Variants in SLC35F1 observed in about 807,000 individuals in gnomAD.
SLC35F1 encodes solute carrier family 35 member F1.
A neutral mutation model predicts 48.7 loss-of-function variants in SLC35F1; 14 were observed. The observed-to-expected ratio is 0.29, with a 90% CI of 0.19 to 0.45. SLC35F1 has a LOEUF of 0.45. Among genes scored for constraint, SLC35F1 ranks in the 20% least tolerant of loss-of-function variants. SLC35F1 has a pLI of 1.00. For synonymous variants in SLC35F1, 190 were observed against 202.2 expected, an observed-to-expected ratio of 0.94 and a Z score of 0.51; for missense variants, 404 against 500.0, an observed-to-expected ratio of 0.81 and a Z score of 1.83.
intron 1 of SLC35F1, among the ~76,000 whole-genome samples, chr6:118,092,076 C>A (rs59022430): frequency 6.6e-6 from 1 of 152,118 alleles, no homozygotes; most frequent in Non-Finnish European, 1.5e-5. Context: ...AAGAAAAAAC[C>A]GTTTTCTGAG....
intron 1 of SLC35F1, among the ~76,000 whole-genome samples, chr6:117,964,289 T>C (rs528362862): frequency 6.6e-6 from 1 of 152,360 alleles, no homozygotes; most frequent in South Asian, 2.1e-4. Context: ...TCACAACATA[T>C]TGGGAATATC....
At chr6:118,115,659 C>T (rs909516811) in intron 1 of SLC35F1, among the ~76,000 whole-genome samples, 2 of 152,126 alleles carry the variant, frequency 1.3e-5, no homozygotes, top group Non-Finnish European at 2.9e-5. Flanking sequence ...AGTTCTTAAT[C>T]TGACCTCTTA....
chr6:117,991,691 G>C (rs963408242), intron 1 of SLC35F1, among the ~76,000 whole-genome samples: 1 of 152,102 alleles, frequency 6.6e-6, no homozygotes, highest in Non-Finnish European at 1.5e-5. Context: ...ACTTGGATCT[G>C]TTTTGTATGC....
Position 118,101,811 on chromosome 6 carries a change from A to T in SLC35F1, c.174-52634A>T, listed in dbSNP as rs527748069. ...GACTTGCTGTTATTAAAATATGTGC[A>T]TTACATACTGTGTTTATAATTTACT... On this transcript the variant is annotated intron_variant, in intron 1 of 7. Coordinates refer to ENST00000360388, the MANE Select transcript of SLC35F1 (RefSeq NM_001029858.4). Among the ~76,000 whole-genome samples, 20 of 152,364 alleles carry T rather than the reference A, an allele frequency of 1.3e-4. No homozygotes were observed. In the South Asian group the frequency reaches 4.1e-3, roughly 32 times the overall value.
At chr6:118,000,143 C>T (rs1210363591) in intron 1 of SLC35F1, among the ~76,000 whole-genome samples, 1 of 152,100 alleles carries the variant, frequency 6.6e-6, no homozygotes, top group Non-Finnish European at 1.5e-5. Flanking sequence ...AGAGATACAA[C>T]CAAAAAAGAG....
At chr6:117,911,181 C>A (rs961204094) in intron 1 of SLC35F1, among the ~76,000 whole-genome samples, 1 of 151,972 alleles carries the variant, frequency 6.6e-6, no homozygotes, top group African/African-American at 2.4e-5. Flanking sequence ...AGAGGAGGCA[C>A]TAGATAATTT....
intron 7 of SLC35F1, among the ~76,000 whole-genome samples, chr6:118,306,919 C>T (rs1251676745): frequency 6.6e-6 from 1 of 152,204 alleles, no homozygotes; most frequent in East Asian, 1.9e-4. Flanking sequence ...TAAAAGAGCT[C>T]TTATTGGCCT....
intron 1 of SLC35F1, among the ~76,000 whole-genome samples, chr6:117,939,538 A>C (rs990607794): frequency 6.6e-6 from 1 of 152,172 alleles, no homozygotes; most frequent in Non-Finnish European, 1.5e-5. Flanking sequence ...ACATCTTTGA[A>C]ATTTTCTGAC....
intron 5 of SLC35F1, among the ~76,000 whole-genome samples, chr6:118,276,022 C>T (rs1249682659): frequency 6.6e-6 from 1 of 152,096 alleles, no homozygotes; most frequent in Non-Finnish European, 1.5e-5. Context: ...TATAAAATTA[C>T]CCTTTTATAA....
intron 1 of SLC35F1, among the ~76,000 whole-genome samples, chr6:118,141,057 T>C (rs774770506): frequency 1.3e-5 from 2 of 152,210 alleles, no homozygotes; most frequent in African/African-American, 4.8e-5. Flanking sequence ...CTAAATTTAG[T>C]ACAGCCTAAG....
chr6:118,275,399 A>G, intron 4 of SLC35F1, 60 bp from the exon 5 acceptor site: 1 of 1,542,414 alleles, frequency 6.5e-7, no homozygotes, highest in Admixed American at 2.0e-5. Flanking sequence ...CCGATGCCAG[A>G]TTCTTGTTAA....
At chr6:118,283,144 T>C (rs2114639257) in intron 6 of SLC35F1, among the ~76,000 whole-genome samples, 1 of 152,328 alleles carries the variant, frequency 6.6e-6, no homozygotes, top group East Asian at 1.9e-4. Context: ...TGCTCAGCCA[T>C]TGTGGCCTTG....
intron 2 of SLC35F1, among the ~76,000 whole-genome samples, chr6:118,204,940 T>A (rs1294468752): frequency 1.3e-5 from 2 of 152,162 alleles, no homozygotes; most frequent in African/African-American, 4.8e-5. Context: ...GAGCAAGCAA[T>A]CCCATGAATA....
intron 1 of SLC35F1, among the ~76,000 whole-genome samples, chr6:118,129,605 AG>A (rs1773680286): frequency 6.6e-6 from 1 of 152,128 alleles, no homozygotes; most frequent in African/African-American, 2.4e-5. Flanking sequence ...CGGTTGCTGT[AG>A]GCGTAATGGG....
rs115448160 is a variant in SLC35F1, at chr6:117,907,404, G to C, written c.-323G>C. 0.031 allele frequency: 5,733 copies of C among 186,890 alleles called. 352 individuals carry two copies. The highest frequency in any genetic ancestry group is 0.13 in the African/African-American group (5,418 of 42,480). The allele number at this position is 186,890 out of a possible 1,614,324, so 11.6% of individuals were successfully genotyped here. On this transcript the variant is annotated 5_prime_UTR_variant, in exon 1 of 8. Coordinates refer to ENST00000360388, the MANE Select transcript of SLC35F1 (RefSeq NM_001029858.4). ...TTCCCCGGAACCGACCGGCAGCTCC[G>C]CGCCCCCGCGCGACACCCTTCGCAG...
At chr6:118,092,418 G>A (rs1357696524) in intron 1 of SLC35F1, among the ~76,000 whole-genome samples, 1 of 152,236 alleles carries the variant, frequency 6.6e-6, no homozygotes, top group Admixed American at 6.5e-5. Flanking sequence ...CAGAAGTTTG[G>A]TGCATGGGCA....
intron 1 of SLC35F1, among the ~76,000 whole-genome samples, chr6:118,144,588 AAAAAAAAAAAAAATTGAAAATGTT>A (rs1773943100): frequency 3.0e-5 from 1 of 33,498 alleles, no homozygotes; most frequent in South Asian, 1.4e-3. Context: ...CCCAGAACTT[AAAAAAAAAAAAAATTGAAAATGTT>A]AAAAAAAAAA....
chr6:117,979,385 G>C (rs1022437329), intron 1 of SLC35F1, among the ~76,000 whole-genome samples: 2 of 152,180 alleles, frequency 1.3e-5, no homozygotes, highest in Non-Finnish European at 2.9e-5. Flanking sequence ...ATACTGTTAA[G>C]ATTTAACTGT....
At chr6:118,145,975 G>C (rs1773967125) in intron 1 of SLC35F1, among the ~76,000 whole-genome samples, 2 of 152,158 alleles carry the variant, frequency 1.3e-5, no homozygotes, top group South Asian at 4.1e-4. Context: ...ACACATTTTT[G>C]TGTTGACAAT....
Sources: allele counts gnomAD v4.1 joint callset (sites outside exome capture counted in the v4.1 genomes callset), GRCh38; gene constraint gnomAD v4.1.1; transcripts MANE v1.5; gene names NCBI Gene and HGNC (gene_info 2026-07-23, HGNC 2026-07-21).